The following SEZ6L variants were observed in gnomAD, a reference collection of about 807,000 sequenced individuals.
SEZ6L encodes the protein seizure related 6 homolog like.
SEZ6L carries 37 observed loss-of-function variants against 106.2 expected under a neutral mutation model. That is an observed-to-expected ratio of 0.35 (90% CI 0.27 to 0.46). The LOEUF is 0.46. Ranked by LOEUF, SEZ6L falls within the 20% of genes least tolerant of loss-of-function variation. The pLI, the probability that SEZ6L is intolerant of heterozygous loss-of-function variation, is 1.00. For missense variants in SEZ6L, 1,172 were observed against 1,332.8 expected (o/e 0.88, Z 1.88); for synonymous variants, 541 against 570.4 (o/e 0.95, Z 0.73).
chr22:26,375,328 A>G (rs1893221), intron 14 of SEZ6L, among the ~76,000 whole-genome samples: 73,669 of 151,982 alleles, frequency 0.48, 19,105 homozygotes, highest in East Asian at 0.94. Context: ...TGGTACGATC[A>G]GGTTTCAAAC....
In SEZ6L at chr22:26,306,016, C is replaced by G. The variant is rs2081619471; in HGVS notation, c.1386C>G (p.Gly462=). 6.2e-7 allele frequency: 1 copy of G among 1,614,058 alleles called. No individual in the cohort carries two copies. Among genetic ancestry groups the G allele is most frequent in the East Asian group, 2.2e-5 (1 of 44,880 alleles). ...GGGCAGTGCACAATGCCACCATCGG[C>G]CGCGTCCTCTCCCCAAGTTACCCTG... ...CGGAVHNATI[G]RVLSPSYPEN... The change falls in exon 6 of 17, where the codon GGC becomes GGG. Residue 462 remains glycine (G), a synonymous_variant. Transcript: ENST00000248933.
chr22:26,209,813 A>G (rs1160660918), intron 1 of SEZ6L, among the ~76,000 whole-genome samples: 1 of 115,736 alleles, frequency 8.6e-6, no homozygotes, highest in Non-Finnish European at 1.8e-5. Context: ...ATAGATGGAT[A>G]GATGGAAGAA....
In SEZ6L at chr22:26,340,478, C is replaced by T. The variant is rs141142000; in HGVS notation, c.2058C>T (p.Gly686=). 34 of 1,613,980 alleles carry T rather than the reference C, an allele frequency of 2.1e-5. No homozygotes were observed. Among genetic ancestry groups the T allele is most frequent in the African/African-American group, 6.7e-5 (5 of 75,044 alleles). ...SNSDILTIYD[G]DEVMPHILGQ... is the part of the protein sequence containing the mutation. Reference sequence around the variant, plus strand: ...GTGACATCTTGACCATCTACGATGGCGACGAGGTCATGCCCCACATCTTGG... The same window carrying T: ...GTGACATCTTGACCATCTACGATGGTGACGAGGTCATGCCCCACATCTTGG... The change falls in exon 10 of 17, where the codon GGC becomes GGT. Residue 686 remains glycine, a synonymous_variant. Coordinates refer to ENST00000248933, the MANE Select transcript of SEZ6L (RefSeq NM_021115.5).
chr22:26,193,103 T>C (rs1940344828), intron 1 of SEZ6L, among the ~76,000 whole-genome samples: 1 of 152,206 alleles, frequency 6.6e-6, no homozygotes, highest in East Asian at 1.9e-4. Context: ...ACATTTTTTT[T>C]CCTATATAAA....
chr22:26,315,345 G>A (rs1370091082), intron 9 of SEZ6L, among the ~76,000 whole-genome samples: 1 of 152,130 alleles, frequency 6.6e-6, no homozygotes, highest in East Asian at 1.9e-4. Flanking sequence ...TGGATGTGGT[G>A]GCACACGCCT....
chr22:26,373,739 T>C (rs893867007), intron 14 of SEZ6L, among the ~76,000 whole-genome samples: 3 of 152,156 alleles, frequency 2.0e-5, no homozygotes, highest in African/African-American at 7.2e-5. Context: ...TAAGGAAAGC[T>C]CAGAGCCCAT....
intron 1 of SEZ6L, among the ~76,000 whole-genome samples, chr22:26,179,889 T>C (rs1187965056): frequency 6.6e-6 from 1 of 152,180 alleles, no homozygotes; most frequent in African/African-American, 2.4e-5. Flanking sequence ...TCTAATATGG[T>C]AGCCATGAAC....
intron 12 of SEZ6L, among the ~76,000 whole-genome samples, chr22:26,362,654 C>G (rs2083673397): frequency 6.6e-6 from 1 of 152,134 alleles, no homozygotes; most frequent in Admixed American, 6.6e-5. Flanking sequence ...AGTAAGCACT[C>G]AAGATATATT....
At chr22:26,339,332 A>G (rs2082750135) in intron 9 of SEZ6L, among the ~76,000 whole-genome samples, 1 of 152,208 alleles carries the variant, frequency 6.6e-6, no homozygotes, top group South Asian at 2.1e-4. Flanking sequence ...GAGGGAAAGA[A>G]GAAAGGAAAG....
At chr22:26,320,932 A>C (rs2145943613) in intron 9 of SEZ6L, among the ~76,000 whole-genome samples, 1 of 152,318 alleles carries the variant, frequency 6.6e-6, no homozygotes, top group African/African-American at 2.4e-5. Context: ...CCCACCACAA[A>C]GAATGAGCTG....
At chr22:26,260,616 T>A (rs2079971367) in intron 1 of SEZ6L, among the ~76,000 whole-genome samples, 1 of 152,162 alleles carries the variant, frequency 6.6e-6, no homozygotes, top group Admixed American at 6.6e-5. Flanking sequence ...CACAATTTCT[T>A]TATCTGCTCA....
intron 1 of SEZ6L, among the ~76,000 whole-genome samples, chr22:26,178,713 C>T (rs945928629): frequency 3.9e-5 from 6 of 152,014 alleles, no homozygotes; most frequent in African/African-American, 1.4e-4. Context: ...AGCCGTACAC[C>T]ATAATAAAAA....
intron 1 of SEZ6L, among the ~76,000 whole-genome samples, chr22:26,267,431 T>G (rs972656025): frequency 1.3e-5 from 2 of 152,280 alleles, no homozygotes; most frequent in Non-Finnish European, 2.9e-5. Flanking sequence ...GACCTTTTTG[T>G]AGAGAGCTTT....
At chr22:26,326,492 G>A (rs1437364623) in intron 9 of SEZ6L, among the ~76,000 whole-genome samples, 1 of 152,174 alleles carries the variant, frequency 6.6e-6, no homozygotes, top group Non-Finnish European at 1.5e-5. Flanking sequence ...GCCAAGCTCT[G>A]TTCTGAGCAC....
chr22:26,194,480 C>T (rs1280810862), intron 1 of SEZ6L, among the ~76,000 whole-genome samples: 1 of 152,178 alleles, frequency 6.6e-6, no homozygotes, highest in Non-Finnish European at 1.5e-5. Flanking sequence ...GCGCTACAGT[C>T]ACTGGGTGGC....
chr22:26,293,904 T>C (rs889181907), intron 2 of SEZ6L, among the ~76,000 whole-genome samples: 1 of 152,212 alleles, frequency 6.6e-6, no homozygotes, highest in African/African-American at 2.4e-5. Flanking sequence ...ACATGGATTT[T>C]GGACAAGTGC....
chr22:26,230,114 A>G (rs913688694), intron 1 of SEZ6L, among the ~76,000 whole-genome samples: 15 of 152,312 alleles, frequency 9.8e-5, no homozygotes, highest in African/African-American at 2.9e-4. Flanking sequence ...ATCAGCATCC[A>G]CAGGAACAGG....
chr22:26,339,280 A>G lies in SEZ6L; in HGVS notation c.2016-1156A>G, dbSNP rs992173448. 2.0e-5 allele frequency among the ~76,000 whole-genome samples: 3 copies of G among 152,300 alleles called. No homozygotes were observed. The South Asian group carries it at 6.2e-4, about 32-fold the overall frequency. ...AAAAAAGAACATTAAGGAGAAGGAG[A>G]CAAGAAAAGGAGAAAGACATGAGAG... On this transcript the variant is annotated intron_variant, in intron 9 of 16. Coordinates refer to ENST00000248933, the MANE Select transcript of SEZ6L (RefSeq NM_021115.5).
At chr22:26,178,411 A>C (rs1470911958) in intron 1 of SEZ6L, among the ~76,000 whole-genome samples, 1 of 152,178 alleles carries the variant, frequency 6.6e-6, no homozygotes, top group African/African-American at 2.4e-5. Flanking sequence ...GCTGATTGAG[A>C]AACCCACTGG....
Sources: gnomAD v4.1 joint callset for allele counts (sites outside exome capture counted in the v4.1 genomes callset) on GRCh38, gnomAD v4.1.1 for gene constraint, MANE v1.5 for transcripts, NCBI Gene and HGNC (gene_info 2026-07-23, HGNC 2026-07-21) for gene names.